Variants in PAX5 observed in about 807,000 individuals in gnomAD.
PAX5 encodes paired box protein Pax-5.
In PAX5, 9 loss-of-function variants were observed where a neutral mutation model predicts 43.7. That is an observed-to-expected ratio of 0.21 (90% CI 0.12 to 0.36). The LOEUF (loss-of-function observed/expected upper bound fraction) is 0.36. PAX5 is among the 10% of genes least tolerant of loss of function. The probability of loss-of-function intolerance (pLI) is 1.00; values close to 1 mark genes in which losing one functional copy is unlikely to be tolerated. For missense variants in PAX5, 383 were observed against 532.7 expected, an observed-to-expected ratio of 0.72 and a Z score of 2.77; for synonymous variants, 228 against 214.3, an observed-to-expected ratio of 1.06 and a Z score of -0.56.
intron 8 of PAX5, among the ~76,000 whole-genome samples, chr9:36,864,651 T>C (rs978730335): frequency 6.6e-6 from 1 of 152,080 alleles, no homozygotes; most frequent in Admixed American, 6.5e-5. Context: ...GCCTCCCCCC[T>C]CAGCCCACCG....
intron 1 of PAX5, among the ~76,000 whole-genome samples, chr9:37,033,759 C>A (rs550385966): frequency 6.6e-6 from 1 of 152,166 alleles, no homozygotes; most frequent in Non-Finnish European, 1.5e-5. Context: ...AGGACGCCAG[C>A]GTGAACATTC....
At chr9:36,862,669 G>A (rs1824337481) in intron 8 of PAX5, among the ~76,000 whole-genome samples, 1 of 152,194 alleles carries the variant, frequency 6.6e-6, no homozygotes, top group African/African-American at 2.4e-5. Flanking sequence ...TAGGTGGGCG[G>A]CTTTGGGTTC....
At chr9:36,922,945 A>G in intron 7 of PAX5, 1 of 175,146 alleles carries the variant, frequency 5.7e-6, no homozygotes, top group Non-Finnish European at 1.2e-5. Context: ...TTCTTGACTC[A>G]GATTCTGCCT....
chr9:36,937,891 G>A (rs981786473), intron 6 of PAX5, among the ~76,000 whole-genome samples: 4 of 152,210 alleles, frequency 2.6e-5, no homozygotes, highest in Non-Finnish European at 5.9e-5. Context: ...CAAAACAATA[G>A]AGAAATAAAC....
rs558042617 is a variant in PAX5, at chr9:36,836,006, C to T, written c.*4554G>A. The T allele has an allele frequency of 4.3e-6, 1 of 233,632 alleles. No homozygotes were observed. The allele number at this position is 233,632 out of a possible 1,614,324, so 14.5% of individuals were successfully genotyped here. ...TGGTTGGTTTTTAAGATTTGCTTCC[C>T]TGGCTTGGAGCTCAATTCTGGCTGA... On this transcript the variant is annotated 3_prime_UTR_variant, in exon 10 of 10. Transcript: ENST00000358127.
chr9:36,871,139 G>A (rs995303887), intron 8 of PAX5, among the ~76,000 whole-genome samples: 6 of 152,218 alleles, frequency 3.9e-5, no homozygotes, highest in African/African-American at 1.4e-4. Flanking sequence ...TAGCAGCGTG[G>A]CTTAAACCCC....
intron 8 of PAX5, among the ~76,000 whole-genome samples, chr9:36,863,341 G>T (rs1824416798): frequency 6.6e-6 from 1 of 152,190 alleles, no homozygotes; most frequent in Non-Finnish European, 1.5e-5. Context: ...ATAGCTCACT[G>T]CAGCCTCAAA....
chr9:36,901,504 C>G (rs551841762), intron 7 of PAX5, among the ~76,000 whole-genome samples: 1 of 152,254 alleles, frequency 6.6e-6, no homozygotes, highest in African/African-American at 2.4e-5. Context: ...AGCTTAGAAA[C>G]CCACGTGCAT....
At chr9:36,846,444 A>G (rs1822580834) in intron 9 of PAX5, among the ~76,000 whole-genome samples, 2 of 152,200 alleles carry the variant, frequency 1.3e-5, no homozygotes, top group South Asian at 4.1e-4. Flanking sequence ...GGCAGCCACT[A>G]CCAATCGATT....
chr9:36,931,007 G>A (rs1490921898), intron 6 of PAX5: 8 of 507,502 alleles, frequency 1.6e-5, no homozygotes, highest in South Asian at 6.1e-5. Context: ...CACAAAAGAG[G>A]GCAGCGCATG....
At chr9:37,014,945 A>T in intron 3 of PAX5, 52 bp downstream of exon 3, 2 of 1,533,042 alleles carry the variant, frequency 1.3e-6, no homozygotes, top group Non-Finnish European at 1.8e-6. Context: ...AGCCTCCAGG[A>T]TGCCCTGCCA....
chr9:36,918,722 C>T (rs1347492221), intron 7 of PAX5, among the ~76,000 whole-genome samples: 2 of 152,230 alleles, frequency 1.3e-5, no homozygotes, highest in South Asian at 2.1e-4. Context: ...AAAGCCTAAT[C>T]CAGAGAAAGG....
chr9:36,949,688 T>C (rs1297025647), intron 6 of PAX5, among the ~76,000 whole-genome samples: 1 of 152,160 alleles, frequency 6.6e-6, no homozygotes, highest in East Asian at 1.9e-4. Context: ...CTTCCAGCAG[T>C]CCTCCAGACA....
chr9:36,945,729 G>C (rs914190209), intron 6 of PAX5, among the ~76,000 whole-genome samples: 6 of 152,212 alleles, frequency 3.9e-5, no homozygotes, highest in African/African-American at 1.4e-4. Context: ...GCCACTCTTT[G>C]AATGAGATAG....
intron 2 of PAX5, among the ~76,000 whole-genome samples, chr9:37,016,835 C>T (rs376416339): frequency 6.6e-6 from 1 of 152,108 alleles, no homozygotes; most frequent in African/African-American, 2.4e-5. Flanking sequence ...AATTCTCAGC[C>T]TGGGTATGTT....
At chr9:37,011,731 G>T (rs1838944764) in intron 3 of PAX5, among the ~76,000 whole-genome samples, 1 of 152,150 alleles carries the variant, frequency 6.6e-6, no homozygotes, top group African/African-American at 2.4e-5. Context: ...TCCCCTGGAA[G>T]GTAACAGGAA....
At chr9:36,958,302 A>AC (rs1833667884) in intron 6 of PAX5, among the ~76,000 whole-genome samples, 1 of 151,344 alleles carries the variant, frequency 6.6e-6, no homozygotes, top group South Asian at 2.1e-4. Flanking sequence ...ATGTCAGGAA[A>AC]AAAAAATGGC....
intron 5 of PAX5, among the ~76,000 whole-genome samples, chr9:36,968,091 G>A (rs140696170): frequency 1.1e-4 from 17 of 152,326 alleles, no homozygotes; most frequent in African/African-American, 4.1e-4. Flanking sequence ...GCTCACGCAA[G>A]GCTGACCAGA....
At chr9:36,908,202 A>G (rs1346067688) in intron 7 of PAX5, among the ~76,000 whole-genome samples, 3 of 151,560 alleles carry the variant, frequency 2.0e-5, no homozygotes, top group African/African-American at 7.3e-5. Flanking sequence ...CTGTTTCAAA[A>G]AAAAAAAAAG....
Sources: gnomAD v4.1 joint callset for allele counts (sites outside exome capture counted in the v4.1 genomes callset) on GRCh38, gnomAD v4.1.1 for gene constraint, MANE v1.5 for transcripts, NCBI Gene and HGNC (gene_info 2026-07-23, HGNC 2026-07-21) for gene names.